Variants in DMD observed in about 807,000 individuals in gnomAD.
DMD encodes the protein dystrophin.
DMD carries 63 observed loss-of-function variants against 330.1 expected under a neutral mutation model. The ratio of observed to expected loss-of-function variants is 0.19; its 90% confidence interval spans 0.16 to 0.24. The LOEUF (loss-of-function observed/expected upper bound fraction) is 0.24. Ranked by LOEUF, DMD falls within the 10% of genes least tolerant of loss-of-function variation. DMD has a pLI of 1.00. For synonymous variants in DMD, 1,223 were observed against 959.8 expected (o/e 1.27, Z -5.07); for missense variants, 3,344 against 2,684.1 (o/e 1.25, Z -5.43).
At chrX:32,574,359 A>T (rs185103239) in intron 13 of DMD, among the ~76,000 whole-genome samples, 2 of 111,973 alleles carry the variant, frequency 1.8e-5, no homozygotes, top group Non-Finnish European at 3.8e-5. Context: ...AATTTTCTCA[A>T]TTATTACAAA....
chrX:32,328,274 C>G (rs2097661465), intron 41 of DMD, among the ~76,000 whole-genome samples: 1 of 111,621 alleles, frequency 9.0e-6, no homozygotes, highest in Admixed American at 9.6e-5. Context: ...TTCTTTATAT[C>G]ACCAAAACAA....
At chrX:33,073,794 C>T (rs1279750627) in intron 1 of DMD, among the ~76,000 whole-genome samples, 5 of 108,421 alleles carry the variant, frequency 4.6e-5, no homozygotes, top group Admixed American at 2.0e-4. Context: ...ATCGCATCAC[C>T]GCACTCCATC....
chrX:31,323,247 A>T (rs2056548802), intron 62 of DMD, among the ~76,000 whole-genome samples: 1 of 111,896 alleles, frequency 8.9e-6, no homozygotes, highest in Non-Finnish European at 1.9e-5. Context: ...CGGAAGAAGA[A>T]ATGTGAGAAA....
intron 52 of DMD, among the ~76,000 whole-genome samples, chrX:31,682,599 A>G (rs982391372): frequency 8.9e-6 from 1 of 112,435 alleles, no homozygotes; most frequent in Non-Finnish European, 1.9e-5. Context: ...ATAGCAGGCT[A>G]CTTTAGTACA....
intron 55 of DMD, among the ~76,000 whole-genome samples, chrX:31,616,936 T>A (rs2078232996): frequency 9.0e-6 from 1 of 111,534 alleles, no homozygotes. Flanking sequence ...CTGAACTCTC[T>A]GACTGAAAAG....
At chrX:31,977,799 A>C (rs757936456) in intron 44 of DMD, among the ~76,000 whole-genome samples, 3,713 of 109,732 alleles carry the variant, frequency 0.034, 65 homozygotes, top group Non-Finnish European at 0.053. Flanking sequence ...AAAAAAAAAA[A>C]AAAAAAGAAT....
At chrX:31,653,069 G>A (rs1338932744) in intron 54 of DMD, among the ~76,000 whole-genome samples, 1 of 111,398 alleles carries the variant, frequency 9.0e-6, no homozygotes, top group Non-Finnish European at 1.9e-5. Context: ...GAGATCTAGT[G>A]TTTAACTAGA....
At chrX:32,691,524 A>T (rs932522362) in intron 9 of DMD, among the ~76,000 whole-genome samples, 2 of 111,449 alleles carry the variant, frequency 1.8e-5, no homozygotes, top group Non-Finnish European at 3.8e-5. Context: ...ATTAGTAAGG[A>T]TGTGGAATAA....
At chrX:32,759,754 A>C (rs1384018645) in intron 7 of DMD, among the ~76,000 whole-genome samples, 2 of 107,522 alleles carry the variant, frequency 1.9e-5, no homozygotes, top group African/African-American at 3.4e-5. Context: ...AGTTTCAGAG[A>C]GCTACAACTA....
chrX:31,277,612 C>T (rs1202801496), intron 62 of DMD, among the ~76,000 whole-genome samples: 2 of 110,956 alleles, frequency 1.8e-5, no homozygotes, highest in African/African-American at 6.6e-5. Flanking sequence ...TTCAGTGCCC[C>T]TCGACATAAG....
At chrX:32,034,014 C>T (rs777555016) in intron 44 of DMD, among the ~76,000 whole-genome samples, 3 of 111,365 alleles carry the variant, frequency 2.7e-5, no homozygotes, top group African/African-American at 6.5e-5. Flanking sequence ...TTTTTAGACA[C>T]CAATGCATAG....
intron 62 of DMD, among the ~76,000 whole-genome samples, chrX:31,313,874 C>G (rs2083254047): frequency 1.8e-5 from 2 of 109,126 alleles, no homozygotes; most frequent in African/African-American, 6.7e-5. Flanking sequence ...CACTCTGTCA[C>G]CCAGGCTGGA....
At chrX:32,125,357 A>T in intron 44 of DMD, among the ~76,000 whole-genome samples, 1 of 111,645 alleles carries the variant, frequency 9.0e-6, no homozygotes, top group East Asian at 2.8e-4. Flanking sequence ...GAGGAAAAAA[A>T]ATCCAGACTT....
chrX:32,864,318 T>C (rs1426804694), intron 2 of DMD, among the ~76,000 whole-genome samples: 3 of 111,611 alleles, frequency 2.7e-5, no homozygotes, highest in Non-Finnish European at 5.6e-5. Flanking sequence ...TGCTAGATAC[T>C]AATTTGGACT....
intron 65 of DMD, among the ~76,000 whole-genome samples, chrX:31,206,982 C>T (rs1191702763): frequency 9.0e-6 from 1 of 111,052 alleles, no homozygotes; most frequent in Non-Finnish European, 1.9e-5. Context: ...ATTCTATTCA[C>T]CTATGGAAAG....
At chrX:31,314,779 A>AGAGAGAGAGAGGGAGAGT (rs1225831523) in intron 62 of DMD, among the ~76,000 whole-genome samples, 1 of 93,433 alleles carries the variant, frequency 1.1e-5, no homozygotes, top group Non-Finnish European at 2.1e-5. Flanking sequence ...AGAGAGAGAG[A>AGAGAGAGAGAGGGAGAGT]GTGTTTTACC....
At chrX:32,814,803 G>A (rs934806001) in intron 6 of DMD, among the ~76,000 whole-genome samples, 3 of 111,491 alleles carry the variant, frequency 2.7e-5, no homozygotes, top group Non-Finnish European at 5.7e-5. Flanking sequence ...GTGGGAACAT[G>A]CTTGCAGGAT....
At chrX:32,442,118 A>G (rs2098283524) in intron 27 of DMD, among the ~76,000 whole-genome samples, 1 of 111,181 alleles carries the variant, frequency 9.0e-6, no homozygotes, top group Non-Finnish European at 1.9e-5. Context: ...ACTTTGGCAT[A>G]GAGAAGAATA....
chrX:32,717,447 G>A (rs780840314), intron 7 of DMD, among the ~76,000 whole-genome samples: 120 of 112,014 alleles, frequency 1.1e-3, no homozygotes, highest in African/African-American at 3.8e-3. Flanking sequence ...AGTGTGCAGA[G>A]TGTGAGAGTT....
Sources: allele counts gnomAD v4.1 joint callset (sites outside exome capture counted in the v4.1 genomes callset), GRCh38; gene constraint gnomAD v4.1.1; transcripts MANE v1.5; gene names NCBI Gene and HGNC (gene_info 2026-07-23, HGNC 2026-07-21).